The following FSTL4 variants were observed in gnomAD, a reference collection of about 807,000 sequenced individuals.
The protein encoded by FSTL4 is follistatin like 4, also known as follistatin-related protein 4.
In FSTL4, 28 loss-of-function variants were observed where a neutral mutation model predicts 78.2. The observed-to-expected ratio is 0.36, with a 90% CI of 0.27 to 0.49. FSTL4 has a LOEUF of 0.49. Ranked by LOEUF, FSTL4 falls within the 20% of genes least tolerant of loss-of-function variation. FSTL4 has a pLI of 0.98. For synonymous variants in FSTL4, 422 were observed against 440.5 expected, an observed-to-expected ratio of 0.96 and a Z score of 0.53; for missense variants, 922 against 1,084.9, an observed-to-expected ratio of 0.85 and a Z score of 2.11.
intron 3 of FSTL4, among the ~76,000 whole-genome samples, chr5:133,492,161 C>T (rs922208443): frequency 2.2e-4 from 33 of 152,274 alleles, no homozygotes; most frequent in Non-Finnish European, 1.6e-4. Context: ...GGCCTAGTAT[C>T]TTCTCAAATA....
intron 6 of FSTL4, among the ~76,000 whole-genome samples, chr5:133,310,720 CA>C (rs1254063811): frequency 6.6e-6 from 1 of 152,240 alleles, no homozygotes; most frequent in African/African-American, 2.4e-5. Flanking sequence ...TCTAAAAATG[CA>C]CTGAGCTTTT....
At chr5:133,382,002 G>A (rs1346773058) in intron 4 of FSTL4, among the ~76,000 whole-genome samples, 1 of 152,188 alleles carries the variant, frequency 6.6e-6, no homozygotes, top group Non-Finnish European at 1.5e-5. Flanking sequence ...TCAATTCCAG[G>A]CTCTACCTTG....
chr5:133,488,574 G>C (rs1344594951), intron 3 of FSTL4, among the ~76,000 whole-genome samples: 1 of 152,176 alleles, frequency 6.6e-6, no homozygotes, highest in Non-Finnish European at 1.5e-5. Context: ...TTTATGGTAA[G>C]AAATCTACAC....
At chr5:133,830,439 G>C in the FSTL4 span, among the ~76,000 whole-genome samples, 6 of 152,288 alleles carry the variant, frequency 3.9e-5, no homozygotes, top group African/African-American at 1.2e-4. Flanking sequence ...GGCCACCATT[G>C]CCAACAAGGG....
At chr5:133,485,404 G>A (rs1026576902) in intron 3 of FSTL4, among the ~76,000 whole-genome samples, 4 of 152,198 alleles carry the variant, frequency 2.6e-5, no homozygotes, top group African/African-American at 9.7e-5. Context: ...GCTGGTTCAG[G>A]CTAATTGGGA....
chr5:133,209,147 C>A (rs1750622822), intron 14 of FSTL4, among the ~76,000 whole-genome samples: 1 of 152,164 alleles, frequency 6.6e-6, no homozygotes, highest in Non-Finnish European at 1.5e-5. Context: ...TCCAGGCTCT[C>A]TGATAGGTTA....
At chr5:133,604,433 C>T (rs530085643) in intron 1 of FSTL4, among the ~76,000 whole-genome samples, 2 of 152,140 alleles carry the variant, frequency 1.3e-5, no homozygotes, top group South Asian at 2.1e-4. Flanking sequence ...TATGGCTGGG[C>T]GCAGTGGCTC....
chr5:133,343,685 C>T (rs1208761832), intron 4 of FSTL4, among the ~76,000 whole-genome samples: 1 of 152,188 alleles, frequency 6.6e-6, no homozygotes, highest in Non-Finnish European at 1.5e-5. Flanking sequence ...GACATTTTAT[C>T]AAGGGTGCAG....
intron 3 of FSTL4, among the ~76,000 whole-genome samples, chr5:133,407,679 A>G (rs146256361): frequency 2.2e-4 from 34 of 152,328 alleles, no homozygotes; most frequent in African/African-American, 7.0e-4. Context: ...AAGAGTTTCT[A>G]TGTAACCAAT....
the FSTL4 span, among the ~76,000 whole-genome samples, chr5:133,709,986 G>C: frequency 3.3e-5 from 5 of 152,188 alleles, no homozygotes; most frequent in African/African-American, 1.2e-4. Context: ...CCCCTGCAGA[G>C]CCTGAGATGT....
At chr5:133,725,879 G>C in the FSTL4 span, among the ~76,000 whole-genome samples, 2 of 152,166 alleles carry the variant, frequency 1.3e-5, no homozygotes, top group South Asian at 4.2e-4. Context: ...GGAAAAACAA[G>C]AGGGCAGGGT....
At chr5:133,387,934 G>A (rs1471944868) in intron 4 of FSTL4, 1 of 152,238 alleles carries the variant, frequency 6.6e-6, no homozygotes, top group Non-Finnish European at 1.5e-5. Flanking sequence ...CAGATCACCT[G>A]GGAACAGCCA....
At chr5:133,334,147 T>C (rs193081269) in intron 4 of FSTL4, 2 of 152,374 alleles carry the variant, frequency 1.3e-5, no homozygotes, top group East Asian at 1.9e-4. Context: ...CAAACTGATA[T>C]TGCAGCCGAG....
intron 3 of FSTL4, among the ~76,000 whole-genome samples, chr5:133,464,723 G>A (rs1055231867): frequency 1.3e-5 from 2 of 152,226 alleles, no homozygotes; most frequent in Admixed American, 6.5e-5. Context: ...ACACAGAGTC[G>A]AGCCAGGGAG....
intron 6 of FSTL4, among the ~76,000 whole-genome samples, chr5:133,304,370 A>G (rs370422953): frequency 3.3e-4 from 50 of 152,260 alleles, no homozygotes; most frequent in African/African-American, 1.1e-3. Flanking sequence ...ACACATGAAC[A>G]TGAGGCTGTT....
intron 4 of FSTL4, among the ~76,000 whole-genome samples, chr5:133,322,561 G>A (rs375370903): frequency 3.9e-5 from 6 of 152,296 alleles, no homozygotes; most frequent in South Asian, 2.1e-4. Flanking sequence ...GGTTGCCGCC[G>A]TGGGCAATGG....
upstream of FSTL4, among the ~76,000 whole-genome samples, chr5:133,613,287 G>A (rs1250504070): frequency 6.6e-6 from 1 of 152,230 alleles, no homozygotes; most frequent in Non-Finnish European, 1.5e-5. Flanking sequence ...GTCATACGTA[G>A]CCTCAGTCTG....
intron 4 of FSTL4, among the ~76,000 whole-genome samples, chr5:133,391,266 G>A (rs997170271): frequency 6.6e-6 from 1 of 152,204 alleles, no homozygotes; most frequent in Non-Finnish European, 1.5e-5. Flanking sequence ...CACGATAGGG[G>A]AGAACCTTAA....
chr5:133,577,524 G>A (rs564268658), intron 2 of FSTL4, among the ~76,000 whole-genome samples: 8 of 152,326 alleles, frequency 5.3e-5, no homozygotes, highest in South Asian at 2.1e-4. Context: ...AGCTGAGGGA[G>A]TTTGATAAAG....
Sources: allele counts gnomAD v4.1 joint callset (sites outside exome capture counted in the v4.1 genomes callset), GRCh38; gene constraint gnomAD v4.1.1; transcripts MANE v1.5; gene names NCBI Gene and HGNC (gene_info 2026-07-23, HGNC 2026-07-21).